NPSR1: variants seen among roughly 807,000 people sequenced by gnomAD.
The protein encoded by NPSR1 is neuropeptide S receptor 1, also known as neuropeptide S receptor.
A neutral mutation model predicts 46.9 loss-of-function variants in NPSR1; 48 were observed. The ratio of observed to expected loss-of-function variants is 1.02; its 90% CI spans 0.81 to 1.30. The LOEUF (loss-of-function observed/expected upper bound fraction) is 1.30. Among genes scored for constraint, NPSR1 ranks in the 50% most tolerant of loss-of-function variants. NPSR1 has a pLI of 0.00. For synonymous variants in NPSR1, 176 were observed against 168.1 expected (o/e 1.05, Z -0.36); for missense variants, 450 against 449.5 (o/e 1.00, Z -0.01).
At chr7:34,797,129 T>C (rs1395754512) in intron 3 of NPSR1, among the ~76,000 whole-genome samples, 2 of 152,076 alleles carry the variant, frequency 1.3e-5, no homozygotes, top group South Asian at 2.1e-4. Flanking sequence ...TTTATGACAT[T>C]CTGGAAAAGG....
intron 2 of NPSR1, among the ~76,000 whole-genome samples, chr7:34,695,333 T>G (rs1382047631): frequency 6.6e-6 from 1 of 152,010 alleles, no homozygotes; most frequent in Admixed American, 6.6e-5. Flanking sequence ...AAGACTTAAA[T>G]GTAAGATCTG....
In NPSR1 at chr7:34,861,155, C is replaced by A. The variant is rs1187756780; in HGVS notation, c.1025+12492C>A. Among the ~76,000 whole-genome samples the A allele has an allele frequency of 5.3e-5, 8 of 152,080 alleles. No homozygotes were observed. In the East Asian group the frequency reaches 1.3e-3, roughly 26 times the overall value. On this transcript the variant is annotated intron_variant, in intron 8 of 8. Coordinates refer to the NPSR1 transcript ENST00000359791. The stretch of plus-strand genomic sequence containing the variant: ...GGAGGCAAAAGCCCAATGCCCTACT[C>A]ACACTGGGGACAGGTGATTGCTTGA...
chr7:34,721,404 G>A (rs566239963), intron 2 of NPSR1, among the ~76,000 whole-genome samples: 10 of 152,140 alleles, frequency 6.6e-5, no homozygotes, highest in Middle Eastern at 6.8e-3. Context: ...AATAAAAGAC[G>A]GAGGAGGAGT....
At chr7:34,667,845 C>CT (rs1298626962) in intron 1 of NPSR1, among the ~76,000 whole-genome samples, 1 of 152,032 alleles carries the variant, frequency 6.6e-6, no homozygotes, top group Non-Finnish European at 1.5e-5. Flanking sequence ...CTGTCTCCCC[C>CT]TTTCTCACCA....
At chr7:34,849,127 T>C (rs1311199587) in intron 8 of NPSR1, among the ~76,000 whole-genome samples, 1 of 152,272 alleles carries the variant, frequency 6.6e-6, no homozygotes, top group East Asian at 1.9e-4. Context: ...CTGCTGTTTT[T>C]CAGCTGTTTT....
At position 34,684,570 on chromosome 7, in the gene NPSR1, C is replaced by T. The variant is rs1443939409; in HGVS notation, c.166C>T (p.Leu56=). The part of the protein sequence containing the change: ...YSFKTEQLIT[L]WVLFVFTIVG... ...CTTGCAGACTGAGCAATTGATAACT[C>T]TGTGGGTCCTCTTTGTTTTTACCAT... The change falls in exon 2 of 9, where the codon CTG becomes TTG. Residue 56 remains leucine, a synonymous_variant. Transcript: ENST00000360581. 1 of 1,613,520 alleles carries T rather than the reference C, an allele frequency of 6.2e-7. No homozygotes were observed. Among genetic ancestry groups the T allele is most frequent in the Non-Finnish European group, 8.5e-7 (1 of 1,179,780 alleles).
rs373056894 is a variant in NPSR1 at position 34,848,468 on chromosome 7, T to C, written c.845-15T>C. On this transcript the variant is annotated splice_polypyrimidine_tract_variant and intron_variant, in intron 7 of 8. Coordinates refer to ENST00000360581, the MANE Select transcript of NPSR1 (RefSeq NM_207172.2). Reference sequence around the variant, plus strand: ...TGCTACCTGCTGTGATGCTAATGGCTCTCTTCTCCCCCAGCCTTCATCTGC... The same window carrying C: ...TGCTACCTGCTGTGATGCTAATGGCCCTCTTCTCCCCCAGCCTTCATCTGC... 13 of 1,613,142 alleles carry C rather than the reference T, an allele frequency of 8.1e-6. No individual in the cohort carries two copies. The highest frequency in any genetic ancestry group is 1.1e-5 in the Non-Finnish European group (13 of 1,179,372).
intron 2 of NPSR1, among the ~76,000 whole-genome samples, chr7:34,689,542 T>C (rs1261649130): frequency 7.8e-6 from 1 of 128,848 alleles, no homozygotes; most frequent in Non-Finnish European, 1.5e-5. Context: ...GAGGTGGAGC[T>C]TGCAGTGAGC....
At chr7:34,821,994 A>G (rs1789581235) in intron 4 of NPSR1, among the ~76,000 whole-genome samples, 3 of 152,208 alleles carry the variant, frequency 2.0e-5, no homozygotes, top group South Asian at 4.1e-4. Context: ...AGAGCCAAGG[A>G]AAGAAGCCAT....
At chr7:34,847,028 C>T (rs1790761765) in intron 7 of NPSR1, among the ~76,000 whole-genome samples, 1 of 152,138 alleles carries the variant, frequency 6.6e-6, no homozygotes, top group African/African-American at 2.4e-5. Flanking sequence ...CTTAGTGCCC[C>T]AAATACTGTT....
intron 2 of NPSR1, among the ~76,000 whole-genome samples, chr7:34,712,503 C>T: frequency 6.6e-6 from 1 of 152,226 alleles, no homozygotes; most frequent in African/African-American, 2.4e-5. Flanking sequence ...ATCTATTTTT[C>T]TGTTGTGTGA....
intron 8 of NPSR1, among the ~76,000 whole-genome samples, chr7:34,856,913 G>C (rs553924074): frequency 4.6e-5 from 7 of 151,678 alleles, no homozygotes; most frequent in East Asian, 1.9e-4. Context: ...ATGTAGATGG[G>C]GGGGGAAATC....
chr7:34,752,465 C>T (rs1456387213), intron 2 of NPSR1, among the ~76,000 whole-genome samples: 3 of 152,098 alleles, frequency 2.0e-5, no homozygotes, highest in African/African-American at 7.2e-5. Flanking sequence ...TTTGTCATGC[C>T]TTAAGTCCCA....
intron 5 of NPSR1, among the ~76,000 whole-genome samples, chr7:34,829,702 C>A (rs997327464): frequency 6.6e-6 from 1 of 152,190 alleles, no homozygotes; most frequent in African/African-American, 2.4e-5. Flanking sequence ...ATTTGGGCTG[C>A]TTTTTCCACC....
At chr7:34,759,949 A>C (rs535471052) in intron 2 of NPSR1, among the ~76,000 whole-genome samples, 2 of 152,188 alleles carry the variant, frequency 1.3e-5, no homozygotes, top group African/African-American at 4.8e-5. Context: ...CCCTGAACTA[A>C]TCTATCTTGT....
intron 8 of NPSR1, among the ~76,000 whole-genome samples, chr7:34,877,248 G>C (rs1791597348): frequency 6.6e-6 from 1 of 152,274 alleles, no homozygotes; most frequent in South Asian, 2.1e-4. Flanking sequence ...GGTGGGACTT[G>C]GATGCATGGG....
At chr7:34,793,439 GA>G (rs1428293588) in intron 3 of NPSR1, among the ~76,000 whole-genome samples, 2 of 151,976 alleles carry the variant, frequency 1.3e-5, no homozygotes, top group Non-Finnish European at 2.9e-5. Flanking sequence ...TACAAAAGAA[GA>G]CATACAAATG....
At chr7:34,661,161 G>C (rs1419260499) in intron 1 of NPSR1, among the ~76,000 whole-genome samples, 3 of 152,158 alleles carry the variant, frequency 2.0e-5, no homozygotes, top group Admixed American at 6.5e-5. Context: ...CTGTGACAGA[G>C]GTGGGTGGGG....
rs563589964 is a variant in NPSR1 at position 34,876,430 on chromosome 7, T to A, written c.1026-1646T>A. On this transcript the variant is annotated intron_variant, in intron 8 of 8. Transcript: ENST00000359791. ...AGCATAGGAAAGTACTTAGCACAGT[T>A]CTTGACACATAAACTGTGAATTCTA... Among the ~76,000 whole-genome samples, 9 of 152,340 alleles carry A rather than the reference T, an allele frequency of 5.9e-5. No individual in the cohort carries two copies. The East Asian group carries it at 1.7e-3, about 29-fold the overall frequency.
Sources: allele counts gnomAD v4.1 joint callset (sites outside exome capture counted in the v4.1 genomes callset), GRCh38; gene constraint gnomAD v4.1.1; transcripts MANE v1.5; gene names NCBI Gene and HGNC (gene_info 2026-07-23, HGNC 2026-07-21).